The following TECR variants were observed in gnomAD, a reference collection of about 807,000 sequenced individuals.
TECR encodes very-long-chain enoyl-CoA reductase.
TECR carries 19 observed loss-of-function variants against 50.6 expected under a neutral mutation model. That is an observed-to-expected ratio of 0.38 (90% CI 0.26 to 0.55). The LOEUF (loss-of-function observed/expected upper bound fraction) is 0.55. TECR is among the 20% of genes least tolerant of loss of function. The pLI, the probability that TECR is intolerant of heterozygous loss-of-function variation, is 0.79. For synonymous variants in TECR, 168 were observed against 163.5 expected, an observed-to-expected ratio of 1.03 and a Z score of -0.21; for missense variants, 313 against 408.3, an observed-to-expected ratio of 0.77 and a Z score of 2.01.
intron 1 of TECR, among the ~76,000 whole-genome samples, chr19:14,540,449 G>T (rs1182097908): frequency 6.6e-6 from 1 of 151,376 alleles, no homozygotes; most frequent in African/African-American, 2.4e-5. Flanking sequence ...CTGGAGTGCA[G>T]TGGTGCGATC....
chr19:14,560,265 A>T (rs1410851166), intron 1 of TECR, among the ~76,000 whole-genome samples: 4 of 152,160 alleles, frequency 2.6e-5, no homozygotes, highest in African/African-American at 9.7e-5. Flanking sequence ...AGCTGGCTGG[A>T]CAGGGAGAGG....
rs1276463349 is a variant in TECR, at chr19:14,529,676, T to C, written c.-21T>C. ...TTAGGCAGCAGCAGCCGCGGAGCAGTAGCCGCCGTGGGAGGGAGCCATGAA... is the reference window on the plus strand; with the variant it reads ...TTAGGCAGCAGCAGCCGCGGAGCAGCAGCCGCCGTGGGAGGGAGCCATGAA... On this transcript the variant is annotated 5_prime_UTR_variant, in exon 1 of 13. Transcript: ENST00000215567. The C allele has an allele frequency of 1.2e-6, 2 of 1,613,780 alleles. No individual in the cohort carries two copies. Among genetic ancestry groups the C allele is most frequent in the Non-Finnish European group, 1.7e-6 (2 of 1,180,018 alleles).
intron 1 of TECR, chr19:14,562,111 C>G (rs921815733): frequency 1.4e-5 from 7 of 507,044 alleles, no homozygotes; most frequent in Middle Eastern, 1.1e-3. Flanking sequence ...CCCAAGCCCC[C>G]CTCAGAGAAG....
intron 1 of TECR, among the ~76,000 whole-genome samples, chr19:14,533,045 G>A (rs1568393438): frequency 6.6e-6 from 1 of 152,036 alleles, no homozygotes; most frequent in Non-Finnish European, 1.5e-5. Context: ...GCTGGGAGGC[G>A]GAGTTGCCAT....
intron 1 of TECR, among the ~76,000 whole-genome samples, chr19:14,546,273 T>TC: frequency 6.7e-6 from 1 of 150,266 alleles, no homozygotes; most frequent in Non-Finnish European, 1.5e-5. Flanking sequence ...GATTTGGGAT[T>TC]TTTTTTTTTG....
At chr19:14,554,370 C>T (rs2073645251) in intron 1 of TECR, among the ~76,000 whole-genome samples, 2 of 152,164 alleles carry the variant, frequency 1.3e-5, no homozygotes, top group Admixed American at 1.3e-4. Context: ...TGAGGCCGGC[C>T]CAGAATCCAA....
intron 1 of TECR, chr19:14,562,202 T>C: frequency 3.3e-6 from 2 of 598,858 alleles, no homozygotes; most frequent in Non-Finnish European, 5.9e-6. Flanking sequence ...GCCACTCGGG[T>C]TACATCTGGC....
intron 1 of TECR, among the ~76,000 whole-genome samples, chr19:14,543,813 A>T (rs2073211495): frequency 6.6e-6 from 1 of 151,534 alleles, no homozygotes; most frequent in Non-Finnish European, 1.5e-5. Context: ...ATCGCAGCTC[A>T]TTGCAACCTC....
chr19:14,545,783 C>T (rs986298148), intron 1 of TECR: 1 of 153,246 alleles, frequency 6.5e-6, no homozygotes, highest in African/African-American at 2.4e-5. Flanking sequence ...AAGTACATCC[C>T]TGCTGTGCTT....
chr19:14,543,316 A>C (rs529224831), intron 1 of TECR, among the ~76,000 whole-genome samples: 1 of 142,714 alleles, frequency 7.0e-6, no homozygotes, highest in East Asian at 2.1e-4. Flanking sequence ...GTGTGTGTGC[A>C]GATACTGGAA....
chr19:14,558,080 C>G (rs2073793996), intron 1 of TECR, among the ~76,000 whole-genome samples: 1 of 152,164 alleles, frequency 6.6e-6, no homozygotes, highest in South Asian at 2.1e-4. Flanking sequence ...TAAGATTTAT[C>G]CTAAACTGGG....
chr19:14,555,438 C>CTTTTTTTTTTTTTTT (rs747503834), intron 1 of TECR, among the ~76,000 whole-genome samples: 1 of 92,904 alleles, frequency 1.1e-5, no homozygotes, highest in African/African-American at 4.6e-5. Flanking sequence ...TTTATTTATT[C>CTTTTTTTTTTTTTTT]TTTTTTTTTT....
chr19:14,561,108 G>A (rs1250481346), intron 1 of TECR, among the ~76,000 whole-genome samples: 1 of 152,158 alleles, frequency 6.6e-6, no homozygotes, highest in Non-Finnish European at 1.5e-5. Context: ...GGGGTACCCA[G>A]CTTCTCTGGC....
intron 7 of TECR, 40 bp from the exon 8 acceptor site, chr19:14,564,746 G>T (rs376006854): frequency 1.3e-6 from 2 of 1,586,592 alleles, no homozygotes; most frequent in African/African-American, 2.7e-5. Context: ...GCCTTGTCCG[G>T]TGCTGGCCCA....
At chr19:14,555,070 C>G (rs910665291) in intron 1 of TECR, among the ~76,000 whole-genome samples, 5 of 151,740 alleles carry the variant, frequency 3.3e-5, no homozygotes, top group Non-Finnish European at 7.4e-5. Context: ...AGCCACTGCG[C>G]CTGGCCTTGT....
At chr19:14,562,462 C>T (rs2073931967) in intron 1 of TECR, 63 bp from the exon 2 acceptor site, 3 of 1,602,668 alleles carry the variant, frequency 1.9e-6, no homozygotes, top group East Asian at 2.2e-5. Flanking sequence ...CCTCAATGGG[C>T]TCCCCAGGCC....
In TECR at chr19:14,563,730, C is replaced by A. The variant is rs1445835968; in HGVS notation, c.163+28C>A. ...GAGTACAGCTGTCCACTCGGCCCGC[C>A]CCCTGGGCTCCTGGGTGGCAGTGGG... is the stretch of plus-strand genomic sequence containing the variant. On this transcript the variant is annotated intron_variant, in intron 4 of 12. Transcript: ENST00000215567. The surrounding 1 kb of genome is among the most constrained non-coding windows in gnomAD (Gnocchi z 5.3). The A allele has an allele frequency of 6.2e-7, 1 of 1,613,064 alleles. No individual in the cohort carries two copies. Among genetic ancestry groups the A allele is most frequent in the African/African-American group, 1.3e-5 (1 of 74,910 alleles).
intron 2 of TECR, 115 bp downstream of exon 2, chr19:14,562,690 A>G: frequency 8.2e-7 from 1 of 1,217,652 alleles, no homozygotes; most frequent in Non-Finnish European, 1.2e-6. Context: ...TGCCCTATGG[A>G]GGGGTATGCC....
At chr19:14,549,820 G>GT (rs2073431922) in intron 1 of TECR, among the ~76,000 whole-genome samples, 1 of 151,870 alleles carries the variant, frequency 6.6e-6, no homozygotes, top group African/African-American at 2.4e-5. Context: ...GCATGCACCC[G>GT]TAATCCCAGC....
Sources: gnomAD v4.1 joint callset for allele counts (sites outside exome capture counted in the v4.1 genomes callset) on GRCh38, gnomAD v4.1.1 for gene constraint, Gnocchi (gnomAD v3.1) non-coding constraint, MANE v1.5 for transcripts, NCBI Gene and HGNC (gene_info 2026-07-23, HGNC 2026-07-21) for gene names.